TEK: variants seen among roughly 807,000 people sequenced by gnomAD.
The protein encoded by TEK is angiopoietin-1 receptor.
In TEK, 43 loss-of-function variants were observed where a neutral mutation model predicts 131.8. That is an observed-to-expected ratio of 0.33 (90% CI 0.26 to 0.42). The LOEUF (loss-of-function observed/expected upper bound fraction) is 0.42. Among genes scored for constraint, TEK ranks in the 10% least tolerant of loss-of-function variants. TEK has a pLI of 1.00. For missense variants in TEK, 1,162 were observed against 1,384.4 expected, an observed-to-expected ratio of 0.84 and a Z score of 2.55; for synonymous variants, 580 against 491.6, an observed-to-expected ratio of 1.18 and a Z score of -2.38.
chr9:27,146,395 A>T lies in TEK; in HGVS notation c.53-11436A>T, dbSNP rs561212776. Among the ~76,000 whole-genome samples, 10 of 152,226 alleles carry T rather than the reference A, an allele frequency of 6.6e-5. No homozygotes were observed. The East Asian group carries it at 1.9e-3, about 29-fold the overall frequency. ...GATCAGGATACAGAATAGTACCATC[A>T]CCCCAAAAATCTTTTTTGTGCTGCC... On this transcript the variant is annotated intron_variant, in intron 1 of 22. Transcript: ENST00000380036.
chr9:27,149,512 AG>A lies in TEK; in HGVS notation c.53-8317del, dbSNP rs1157564045. Among the ~76,000 whole-genome samples, 7 of 152,222 alleles carry A rather than the reference AG, an allele frequency of 4.6e-5. No homozygotes were observed. In the East Asian group the frequency reaches 1.3e-3, roughly 29 times the overall value. On this transcript the variant is annotated intron_variant, in intron 1 of 22. Transcript: ENST00000380036. The stretch of plus-strand genomic sequence containing the variant: ...TAATCTCAGGCCTACTAGGAAGGCT[AG>A]GTGACTTCTTTTGTCAATCTCCTCT...
intron 2 of TEK, among the ~76,000 whole-genome samples, chr9:27,160,958 T>A (rs1823523421): frequency 6.6e-6 from 1 of 152,256 alleles, no homozygotes; most frequent in Non-Finnish European, 1.5e-5. Context: ...CTTCTGCTGA[T>A]GTTTCCACAT....
rs1013355536 is a variant in TEK, at chr9:27,131,001, G to T, written c.52+21359G>T. Among the ~76,000 whole-genome samples, 3 of 152,290 alleles carry T rather than the reference G, an allele frequency of 2.0e-5. No homozygotes were observed. In the East Asian group the frequency reaches 5.8e-4, roughly 29 times the overall value. ...CAAATGGCTTATAAGCATGCGAAAAGTTTACCCTCTAAAACAAATTTAAAT... is the reference window on the plus strand; with the variant it reads ...CAAATGGCTTATAAGCATGCGAAAATTTTACCCTCTAAAACAAATTTAAAT... On this transcript the variant is annotated intron_variant, in intron 1 of 22. Transcript: ENST00000380036.
chr9:27,185,721 A>C, intron 9 of TEK, 92 bp downstream of exon 9: 1 of 1,526,058 alleles, frequency 6.6e-7, no homozygotes, highest in Non-Finnish European at 9.0e-7. Context: ...CGACCACTAA[A>C]ATACCTTTGG....
chr9:27,228,450 C>G (rs755513752), intron 22 of TEK, 145 bp downstream of exon 22: 1 of 681,938 alleles, frequency 1.5e-6, no homozygotes, highest in Middle Eastern at 4.1e-4. Context: ...CCTCCACCCC[C>G]GCGACTTTGA....
In TEK at chr9:27,221,225, T is replaced by G. The variant is rs573063932; in HGVS notation, c.3200+1080T>G. On this transcript the variant is annotated intron_variant, in intron 21 of 22. Coordinates refer to ENST00000380036, the MANE Select transcript of TEK (RefSeq NM_000459.5). The stretch of plus-strand genomic sequence containing the variant: ...ATAGCCAGACTGCCTCTCTAGATTC[T>G]TTCTATCTGGGCAGGGCATCTCTGA... Among the ~76,000 whole-genome samples the G allele has an allele frequency of 1.6e-4, 25 of 152,318 alleles. 1 individual carries two copies. The highest frequency in any genetic ancestry group is 1.2e-3 in the Admixed American group (18 of 15,306).
intron 18 of TEK, among the ~76,000 whole-genome samples, chr9:27,215,593 AT>A: frequency 7.0e-6 from 1 of 143,174 alleles, no homozygotes; most frequent in South Asian, 2.2e-4. Context: ...ACCCAGGGTG[AT>A]TTTAATACTG....
At chr9:27,176,188 A>G (rs1231218849) in intron 6 of TEK, among the ~76,000 whole-genome samples, 2 of 152,224 alleles carry the variant, frequency 1.3e-5, no homozygotes, top group Admixed American at 1.3e-4. Context: ...AGGATTTAGA[A>G]TAGTCAACAA....
chr9:27,112,046 C>A (rs369365879), intron 1 of TEK, among the ~76,000 whole-genome samples: 1 of 152,000 alleles, frequency 6.6e-6, no homozygotes, highest in African/African-American at 2.4e-5. Flanking sequence ...TACAGGCGTG[C>A]GCCACCATGC....
At chr9:27,150,391 G>A (rs1823079967) in intron 1 of TEK, among the ~76,000 whole-genome samples, 1 of 152,160 alleles carries the variant, frequency 6.6e-6, no homozygotes, top group East Asian at 1.9e-4. Context: ...AGCTTCACTT[G>A]AGCCCAGAGG....
intron 21 of TEK, among the ~76,000 whole-genome samples, chr9:27,228,001 C>G (rs957586933): frequency 6.6e-6 from 1 of 152,002 alleles, no homozygotes; most frequent in African/African-American, 2.4e-5. Flanking sequence ...GAAACAGTAC[C>G]GAGGGTAGGA....
chr9:27,204,986 T>C lies in TEK; in HGVS notation c.2285T>C (p.Val762Ala), dbSNP rs770657714. 2 of 1,614,092 alleles carry C rather than the reference T, an allele frequency of 1.2e-6. No homozygotes were observed. Among genetic ancestry groups the C allele is most frequent in the South Asian group, 1.1e-5 (1 of 91,088 alleles). ...TCTGCTGGAATGACCTGCCTGACTG[T>C]GCTGTTGGCCTTTCTGATCATATTG... ...LGSAGMTCLT[V>A]LLAFLIILQL... The change falls in exon 14 of 23, where the codon GTG becomes GCG. Residue 762 changes from valine (V) to alanine (A), a missense_variant. Around this residue, in one of 6 missense-constraint regions of TEK, gnomAD observed 477 missense variants for 471.0 expected, o/e 1.01. Coordinates refer to ENST00000380036, the MANE Select transcript of TEK (RefSeq NM_000459.5).
At chr9:27,228,412 C>T in intron 22 of TEK, 107 bp downstream of exon 22, 1 of 873,868 alleles carries the variant, frequency 1.1e-6, no homozygotes, top group Non-Finnish European at 1.8e-6. Context: ...TTGGCATGGC[C>T]CTAAGTATTA....
intron 1 of TEK, among the ~76,000 whole-genome samples, chr9:27,114,349 G>A (rs1189370842): frequency 1.3e-5 from 2 of 152,160 alleles, no homozygotes; most frequent in East Asian, 3.9e-4. Context: ...AAGGTGGGCA[G>A]ATCACGAGAT....
chr9:27,135,910 T>C (rs1822411550), intron 1 of TEK, among the ~76,000 whole-genome samples: 1 of 152,198 alleles, frequency 6.6e-6, no homozygotes, highest in African/African-American at 2.4e-5. Flanking sequence ...GTCACTTGCA[T>C]TCCTGCCAAA....
chr9:27,228,943 A>G (rs543895968), intron 22 of TEK, among the ~76,000 whole-genome samples: 1 of 152,330 alleles, frequency 6.6e-6, no homozygotes, highest in African/African-American at 2.4e-5. Context: ...GAAACTGAGG[A>G]TACAGTATGA....
At chr9:27,155,105 C>T (rs187724429) in intron 1 of TEK, among the ~76,000 whole-genome samples, 5 of 152,240 alleles carry the variant, frequency 3.3e-5, no homozygotes, top group African/African-American at 1.2e-4. Flanking sequence ...GAAAGAATTA[C>T]AGTGTTTCCT....
At chr9:27,209,050 G>A (rs1333533991) in intron 15 of TEK, 71 bp from the exon 16 acceptor site, 1 of 1,013,432 alleles carries the variant, frequency 9.9e-7, no homozygotes, top group Non-Finnish European at 1.6e-6. Context: ...GGTTCTTAGG[G>A]GGCAGGACGG....
intron 6 of TEK, among the ~76,000 whole-genome samples, chr9:27,177,641 T>G (rs1331726941): frequency 6.6e-6 from 1 of 152,082 alleles, no homozygotes; most frequent in Non-Finnish European, 1.5e-5. Context: ...TCCCAGCTAC[T>G]TGGGGGGCTG....
Sources: allele counts gnomAD v4.1 joint callset (sites outside exome capture counted in the v4.1 genomes callset), GRCh38; gene constraint gnomAD v4.1.1; regional missense constraint gnomAD v4.1.1; transcripts MANE v1.5; gene names NCBI Gene and HGNC (gene_info 2026-07-23, HGNC 2026-07-21).